Variants in AKT3 observed in about 807,000 individuals in gnomAD.
The protein encoded by AKT3 is RAC-gamma serine/threonine-protein kinase.
AKT3 carries 15 observed loss-of-function variants against 65.3 expected under a neutral mutation model. The ratio of observed to expected loss-of-function variants is 0.23; its 90% confidence interval spans 0.15 to 0.35. The LOEUF (loss-of-function observed/expected upper bound fraction) is 0.35, where lower values mean the gene tolerates loss of function less well. Ranked by LOEUF, AKT3 falls within the 10% of genes least tolerant of loss-of-function variation. AKT3 has a pLI of 1.00. For synonymous variants in AKT3, 206 were observed against 183.8 expected, an observed-to-expected ratio of 1.12 and a Z score of -0.98; for missense variants, 243 against 576.5, an observed-to-expected ratio of 0.42 and a Z score of 5.92.
chr1:243,591,998 A>C (rs1676261299), intron 8 of AKT3, among the ~76,000 whole-genome samples: 1 of 152,176 alleles, frequency 6.6e-6, no homozygotes, highest in South Asian at 2.1e-4. Flanking sequence ...AAATTTTCCA[A>C]ATTGAATGAA....
At chr1:243,623,540 A>G (rs946845183) in intron 6 of AKT3, among the ~76,000 whole-genome samples, 1 of 152,080 alleles carries the variant, frequency 6.6e-6, no homozygotes, top group African/African-American at 2.4e-5. Flanking sequence ...CAAAAAAGCA[A>G]AGAAAAGGCA....
chr1:243,805,927 G>T (rs1692695221), intron 2 of AKT3, among the ~76,000 whole-genome samples: 1 of 151,978 alleles, frequency 6.6e-6, no homozygotes, highest in Admixed American at 6.6e-5. Flanking sequence ...ACATACAAAA[G>T]GGTGAATAAC....
At chr1:243,540,744 C>A (rs1431282821) in intron 12 of AKT3, among the ~76,000 whole-genome samples, 1 of 152,136 alleles carries the variant, frequency 6.6e-6, no homozygotes, top group Non-Finnish European at 1.5e-5. Flanking sequence ...AGTCATCATG[C>A]CACTTTAGTC....
intron 2 of AKT3, among the ~76,000 whole-genome samples, chr1:243,727,853 T>A (rs1260778041): frequency 6.6e-6 from 1 of 152,088 alleles, no homozygotes; most frequent in Non-Finnish European, 1.5e-5. Flanking sequence ...AATCTTAGTT[T>A]AAAAAAATAA....
At chr1:243,627,741 C>A (rs1056795440) in intron 6 of AKT3, among the ~76,000 whole-genome samples, 1 of 152,186 alleles carries the variant, frequency 6.6e-6, no homozygotes, top group Non-Finnish European at 1.5e-5. Flanking sequence ...CTACAGGCAA[C>A]TAAAATTAAA....
rs75422032 is a variant in AKT3, at chr1:243,585,663, G to T, written c.697-12615C>A. 7.5e-3 allele frequency among the ~76,000 whole-genome samples: 1,139 copies of T among 152,242 alleles called. 15 individuals are homozygous for T. The highest frequency in any genetic ancestry group is 0.026 in the African/African-American group (1,075 of 41,550). On this transcript the variant is annotated intron_variant, in intron 8 of 13. Transcript: ENST00000673466. Reference sequence around the variant, plus strand: ...GAAAGGACTCCTTATTCAATATATGGTGCTTCGACAGCTGGTGAGCCATAC... The same window carrying T: ...GAAAGGACTCCTTATTCAATATATGTTGCTTCGACAGCTGGTGAGCCATAC...
intron 2 of AKT3, among the ~76,000 whole-genome samples, chr1:243,839,905 G>A (rs532399239): frequency 6.0e-5 from 9 of 150,394 alleles, no homozygotes; most frequent in East Asian, 1.9e-4. Flanking sequence ...GAAAAGGTCC[G>A]GGTGCGGTGG....
intron 12 of AKT3, among the ~76,000 whole-genome samples, chr1:243,527,512 C>A (rs1021969539): frequency 6.6e-6 from 1 of 151,800 alleles, no homozygotes; most frequent in Non-Finnish European, 1.5e-5. Flanking sequence ...TTTTTTCTTT[C>A]GAGGAACAAG....
At chr1:243,510,844 C>G (rs775972502) in intron 13 of AKT3, among the ~76,000 whole-genome samples, 1 of 152,226 alleles carries the variant, frequency 6.6e-6, no homozygotes, top group Non-Finnish European at 1.5e-5. Context: ...AGGATTATAT[C>G]CAAATGAAAG....
At chr1:243,799,592 ACT>A (rs1169489422) in intron 2 of AKT3, among the ~76,000 whole-genome samples, 1 of 152,176 alleles carries the variant, frequency 6.6e-6, no homozygotes, top group African/African-American at 2.4e-5. Context: ...CGAAGTTAAG[ACT>A]CAACATGAAA....
intron 2 of AKT3, among the ~76,000 whole-genome samples, chr1:243,727,922 C>G (rs1313868960): frequency 6.6e-6 from 1 of 152,230 alleles, no homozygotes; most frequent in East Asian, 1.9e-4. Flanking sequence ...TAAGAATTGA[C>G]CTGACTATAA....
At chr1:243,647,569 T>C (rs1022747367) in intron 4 of AKT3, among the ~76,000 whole-genome samples, 6 of 152,242 alleles carry the variant, frequency 3.9e-5, no homozygotes, top group African/African-American at 1.4e-4. Flanking sequence ...TTGTACTTAT[T>C]AGTATTTAAA....
At chr1:243,689,987 T>C (rs958282406) in intron 3 of AKT3, among the ~76,000 whole-genome samples, 8 of 151,948 alleles carry the variant, frequency 5.3e-5, no homozygotes, top group Admixed American at 6.6e-5. Context: ...AAAGAGTAAA[T>C]ATTTCATCTT....
At chr1:243,661,442 C>G (rs1475237652) in intron 4 of AKT3, among the ~76,000 whole-genome samples, 15 of 151,690 alleles carry the variant, frequency 9.9e-5, no homozygotes, top group Non-Finnish European at 1.8e-4. Flanking sequence ...CTGAGAAAAA[C>G]AAGCAATGGG....
chr1:243,526,674 C>A lies in AKT3; in HGVS notation c.1252-14248G>T, dbSNP rs557300179. On this transcript the variant is annotated intron_variant, in intron 12 of 13. Coordinates refer to ENST00000673466, the MANE Select transcript of AKT3 (RefSeq NM_005465.7). Reference sequence around the variant, plus strand: ...ATGTACTCACTAAACTATCAACCCACAATTTTATATTCAGTAAAAATATCC... The same window carrying A: ...ATGTACTCACTAAACTATCAACCCAAAATTTTATATTCAGTAAAAATATCC... Among the ~76,000 whole-genome samples, 220 of 149,560 alleles carry A rather than the reference C, an allele frequency of 1.5e-3. 1 individual carries two copies. Among genetic ancestry groups the A allele is most frequent in the African/African-American group, 5.2e-3 (213 of 40,814 alleles).
chr1:243,560,423 G>A (rs915617128), intron 10 of AKT3, among the ~76,000 whole-genome samples: 2 of 151,824 alleles, frequency 1.3e-5, no homozygotes, highest in African/African-American at 4.8e-5. Context: ...TTTTTTTAAG[G>A]GTAAACACAG....
chr1:243,553,066 C>A, intron 10 of AKT3, 123 bp from the exon 11 acceptor site: 6 of 715,750 alleles, frequency 8.4e-6, no homozygotes, highest in Non-Finnish European at 1.3e-5. Context: ...AGTCTGAGAT[C>A]TTGACATTTA....
At position 243,499,927 on chromosome 1, in the gene AKT3, C is replaced by T. The variant is rs960458468; in HGVS notation, c.*5322G>A. 34 of 762,950 alleles carry T rather than the reference C, an allele frequency of 4.5e-5. No individual in the cohort carries two copies. The highest frequency in any genetic ancestry group is 3.5e-4 in the South Asian group (24 of 68,684). 47.3% of individuals were successfully genotyped at this position (762,950 alleles called of 1,614,324 possible). A position where few individuals can be genotyped will look rare whatever the true frequency, so the allele number is the denominator to read the frequency against. ...GCAGTGGGGCTGGTCCTCATCAACG[C>T]GGGCGCTGTCCCCGCACGCAGTCGG... On this transcript the variant is annotated 3_prime_UTR_variant, in exon 14 of 14. Coordinates refer to ENST00000673466, the MANE Select transcript of AKT3 (RefSeq NM_005465.7).
chr1:243,578,028 G>A (rs1159538116), intron 8 of AKT3, among the ~76,000 whole-genome samples: 1 of 152,120 alleles, frequency 6.6e-6, no homozygotes, highest in Admixed American at 6.5e-5. Context: ...AAAAAATCAT[G>A]AAACAATAGA....
Sources: gnomAD v4.1 joint callset for allele counts (sites outside exome capture counted in the v4.1 genomes callset) on GRCh38, gnomAD v4.1.1 for gene constraint, MANE v1.5 for transcripts, NCBI Gene and HGNC (gene_info 2026-07-23, HGNC 2026-07-21) for gene names.